Variants in XKR4 observed in about 807,000 individuals in gnomAD.
XKR4 encodes XK-related protein 4.
In XKR4, 12 loss-of-function variants were observed where a neutral mutation model predicts 53.9. That is an observed-to-expected ratio of 0.22 (90% CI 0.14 to 0.36). The LOEUF (loss-of-function observed/expected upper bound fraction) is 0.36. XKR4 is among the 10% of genes least tolerant of loss of function. XKR4 has a pLI of 1.00. For missense variants in XKR4, 799 were observed against 859.5 expected (o/e 0.93, Z 0.88); for synonymous variants, 354 against 362.4 (o/e 0.98, Z 0.26).
At chr8:55,451,555 G>C in intron 2 of XKR4, 1 of 1,097,320 alleles carries the variant, frequency 9.1e-7, no homozygotes, top group Non-Finnish European at 1.3e-6. Flanking sequence ...CAGGCCCCCA[G>C]AATGCAGCAG....
rs554310605 is a variant in XKR4, at chr8:55,119,678, T to C, written c.806+16384T>C. Among the ~76,000 whole-genome samples the C allele has an allele frequency of 2.1e-3, 314 of 152,266 alleles. 2 individuals are homozygous for C. The highest frequency in any genetic ancestry group is 7.2e-3 in the African/African-American group (300 of 41,550). On this transcript the variant is annotated intron_variant, in intron 1 of 2. Coordinates refer to ENST00000327381, the MANE Select transcript of XKR4 (RefSeq NM_052898.2). Reference sequence around the variant, plus strand: ...CCTTTTCAAAGTGGGAAAGAATCAATTGCAGTTTGAAAGTACTGGAGAAAG... The same window carrying C: ...CCTTTTCAAAGTGGGAAAGAATCAACTGCAGTTTGAAAGTACTGGAGAAAG...
chr8:55,113,678 G>A (rs1456265313), intron 1 of XKR4, among the ~76,000 whole-genome samples: 1 of 152,180 alleles, frequency 6.6e-6, no homozygotes, highest in African/African-American at 2.4e-5. Flanking sequence ...GTCACCCAAA[G>A]AGTGAACATT....
At position 55,194,230 on chromosome 8, in the gene XKR4, A is replaced by C. The variant is rs559089193; in HGVS notation, c.806+90936A>C. Among the ~76,000 whole-genome samples the C allele has an allele frequency of 2.6e-5, 4 of 152,360 alleles. No individual in the cohort carries two copies. In the South Asian group the frequency reaches 8.3e-4, roughly 32 times the overall value. ...AAATTGAGAGTGTGGCGCTGCCAGCAACCACTGAAATGATATGTCTTTTAG... is the reference window on the plus strand; with the variant it reads ...AAATTGAGAGTGTGGCGCTGCCAGCCACCACTGAAATGATATGTCTTTTAG... On this transcript the variant is annotated intron_variant, in intron 1 of 2. Transcript: ENST00000327381.
intron 2 of XKR4, among the ~76,000 whole-genome samples, chr8:55,389,579 A>C (rs1804415579): frequency 6.6e-6 from 1 of 152,222 alleles, no homozygotes; most frequent in Admixed American, 6.5e-5. Context: ...AATGGCAAAT[A>C]GTGAAGAAGG....
chr8:55,161,684 C>T (rs1050759179), intron 1 of XKR4: 2 of 453,452 alleles, frequency 4.4e-6, no homozygotes, highest in Non-Finnish European at 8.9e-6. Flanking sequence ...GTACCTGGTA[C>T]CTGCCTACTG....
intron 1 of XKR4, among the ~76,000 whole-genome samples, chr8:55,301,939 G>T (rs1819206077): frequency 6.6e-6 from 1 of 152,128 alleles, no homozygotes; most frequent in South Asian, 2.1e-4. Context: ...CTCCCATTTT[G>T]TAGGTTGCCT....
chr8:55,294,154 C>T (rs1338204685), intron 1 of XKR4, among the ~76,000 whole-genome samples: 1 of 152,158 alleles, frequency 6.6e-6, no homozygotes, highest in Non-Finnish European at 1.5e-5. Context: ...TGATAATTGT[C>T]TCCTACCTCA....
In XKR4 at chr8:55,327,774, G is replaced by A. The variant is rs56196051; in HGVS notation, c.807-29904G>A. On this transcript the variant is annotated intron_variant, in intron 1 of 2. Transcript: ENST00000327381. ...ATTTAGCAAAATATCTGGGTAAAAA[G>A]AAATGTTCTCTAGAATAGCTTTGAC... Among the ~76,000 whole-genome samples the A allele has an allele frequency of 2.9e-4, 44 of 152,146 alleles. 1 individual carries two copies. The highest frequency in any genetic ancestry group is 1.7e-3 in the South Asian group (8 of 4,820).
At chr8:55,273,440 G>T (rs1048638232) in intron 1 of XKR4, among the ~76,000 whole-genome samples, 2 of 152,234 alleles carry the variant, frequency 1.3e-5, no homozygotes, top group South Asian at 2.1e-4. Context: ...CTTGCCTGGG[G>T]ACTAGATTGC....
At chr8:55,398,683 T>A (rs1804558046) in intron 2 of XKR4, among the ~76,000 whole-genome samples, 2 of 152,202 alleles carry the variant, frequency 1.3e-5, no homozygotes, top group African/African-American at 2.4e-5. Flanking sequence ...ATTAATAACA[T>A]CCAGGAGGAG....
At chr8:55,345,606 G>A (rs1321280889) in intron 1 of XKR4, among the ~76,000 whole-genome samples, 2 of 152,176 alleles carry the variant, frequency 1.3e-5, no homozygotes, top group African/African-American at 4.8e-5. Flanking sequence ...TGCTTAAAAA[G>A]GAAAAAGTGG....
rs1330559560 is a variant in XKR4, at chr8:55,465,636, G to A, written c.1007-57645G>A. The stretch of plus-strand genomic sequence containing the variant: ...GCAACAAAAGCCAAAATTGACAAAT[G>A]GGATCTAATTAAACTAAAGAGCTTC... On this transcript the variant is annotated intron_variant, in intron 2 of 2. Coordinates refer to ENST00000327381, the MANE Select transcript of XKR4 (RefSeq NM_052898.2). Among the ~76,000 whole-genome samples, 4 of 151,874 alleles carry A rather than the reference G, an allele frequency of 2.6e-5. No individual in the cohort carries two copies. The East Asian group carries it at 7.7e-4, about 29-fold the overall frequency.
At chr8:55,433,409 A>G (rs554369657) in intron 2 of XKR4, among the ~76,000 whole-genome samples, 129 of 152,352 alleles carry the variant, frequency 8.5e-4, no homozygotes, top group African/African-American at 2.9e-3. Flanking sequence ...TAATATAGGA[A>G]GAGATAATAA....
Position 55,163,775 on chromosome 8 carries a change from G to C in XKR4, c.806+60481G>C, listed in dbSNP as rs140117426. On this transcript the variant is annotated intron_variant, in intron 1 of 2. Transcript: ENST00000327381. ...CAGGAGAATCGGTTGAACTCAGGAG[G>C]CATAGGTTGCAGTGAGCTGCGATCG... Among the ~76,000 whole-genome samples the C allele has an allele frequency of 4.1e-3, 619 of 152,286 alleles. 3 individuals are homozygous for C. Among genetic ancestry groups the C allele is most frequent in the Middle Eastern group, 6.8e-3 (2 of 292 alleles).
intron 1 of XKR4, among the ~76,000 whole-genome samples, chr8:55,341,933 G>T (rs1027181609): frequency 6.6e-6 from 1 of 152,072 alleles, no homozygotes; most frequent in Non-Finnish European, 1.5e-5. Context: ...AGTGAGGGCA[G>T]TCTCATCTTG....
rs1042970628 is a variant in XKR4, at chr8:55,457,233, C to T, written c.1007-66048C>T. Among the ~76,000 whole-genome samples, 20 of 149,622 alleles carry T rather than the reference C, an allele frequency of 1.3e-4. No individual in the cohort carries two copies. The South Asian group carries it at 2.1e-3, about 16-fold the overall frequency. On this transcript the variant is annotated intron_variant, in intron 2 of 2. Coordinates refer to ENST00000327381, the MANE Select transcript of XKR4 (RefSeq NM_052898.2). ...TCTCTGCTCATTGCAAGTTCTGCCT[C>T]GCAGGTTCACGCCATTCTCCTGCCT...
intron 1 of XKR4, among the ~76,000 whole-genome samples, chr8:55,128,165 C>T (rs527496211): frequency 2.8e-4 from 43 of 152,102 alleles, no homozygotes; most frequent in Admixed American, 1.4e-3. Flanking sequence ...CACTGACTTC[C>T]ACAATGGTTG....
chr8:55,253,700 G>A (rs1585968936), intron 1 of XKR4, among the ~76,000 whole-genome samples: 1 of 150,418 alleles, frequency 6.6e-6, no homozygotes, highest in Non-Finnish European at 1.5e-5. Context: ...TTCAGAGCTG[G>A]TCTCTCACAG....
intron 1 of XKR4, among the ~76,000 whole-genome samples, chr8:55,282,193 G>A (rs748487440): frequency 1.5e-4 from 23 of 152,136 alleles, no homozygotes; most frequent in Non-Finnish European, 3.1e-4. Context: ...CATCTCATTT[G>A]ACTACGGACC....
Sources: allele counts gnomAD v4.1 joint callset (sites outside exome capture counted in the v4.1 genomes callset), GRCh38; gene constraint gnomAD v4.1.1; transcripts MANE v1.5; gene names NCBI Gene and HGNC (gene_info 2026-07-23, HGNC 2026-07-21).